PCDHA7: variants seen among roughly 807,000 people sequenced by gnomAD.
The protein encoded by PCDHA7 is protocadherin alpha-7.
In PCDHA7, 37 loss-of-function variants were observed where a neutral mutation model predicts 57.2. The observed-to-expected ratio is 0.65, with a 90% CI of 0.50 to 0.85. PCDHA7 has a LOEUF of 0.85. PCDHA7 is among the 40% of genes least tolerant of loss of function. The probability of loss-of-function intolerance (pLI) is 0.00; values close to 1 mark genes in which losing one functional copy is unlikely to be tolerated. For missense variants in PCDHA7, 1,188 were observed against 1,241.8 expected, an observed-to-expected ratio of 0.96 and a Z score of 0.65; for synonymous variants, 553 against 558.8, an observed-to-expected ratio of 0.99 and a Z score of 0.15.
intron 1 of PCDHA7, chr5:140,883,651 G>T: frequency 6.2e-7 from 1 of 1,613,652 alleles, no homozygotes. Context: ...CCGAGTACAC[G>T]GTGTTCGTGA....
rs2150463409 is a variant in PCDHA7 at position 140,850,016 on chromosome 5, C to G, written c.2355+13278C>G. On this transcript the variant is annotated intron_variant, in intron 1 of 3. Transcript: ENST00000525929. ...TGGGCGAGCGCTCGCTGTCGAGCTA[C>G]GTGTCAGTGCACGCGGAGAGCGGCA... The G allele has an allele frequency of 2.5e-5, 40 of 1,596,912 alleles. 3 individuals are homozygous for G. The South Asian group carries it at 4.1e-4, about 16-fold the overall frequency.
intron 1 of PCDHA7, among the ~76,000 whole-genome samples, chr5:140,891,690 C>T (rs12518591): frequency 0.01 from 1,559 of 152,280 alleles, 92 homozygotes; most frequent in Admixed American, 0.092. Context: ...TCTCTTCTTG[C>T]TGTTGTCTGA....
chr5:140,870,190 C>T (rs1554163883), intron 1 of PCDHA7: 15 of 1,614,174 alleles, frequency 9.3e-6, no homozygotes, highest in Non-Finnish European at 1.1e-5. Flanking sequence ...AGAGGACGCT[C>T]AGCCCAGCAC....
At chr5:140,901,667 A>G (rs1319008143) in intron 1 of PCDHA7, among the ~76,000 whole-genome samples, 1 of 151,994 alleles carries the variant, frequency 6.6e-6, no homozygotes, top group Non-Finnish European at 1.5e-5. Context: ...TGCTCAAGAT[A>G]CCTTTAGGTA....
At chr5:140,837,357 C>A (rs2150274946) in intron 1 of PCDHA7, among the ~76,000 whole-genome samples, 2 of 151,850 alleles carry the variant, frequency 1.3e-5, no homozygotes, top group Non-Finnish European at 2.9e-5. Context: ...GTTTAAATGG[C>A]AGTTTAATAG....
At chr5:140,948,237 T>C (rs532703710) in intron 1 of PCDHA7, among the ~76,000 whole-genome samples, 1 of 151,810 alleles carries the variant, frequency 6.6e-6, no homozygotes, top group South Asian at 2.1e-4. Flanking sequence ...ACTTGTATTT[T>C]AGTAAATATT....
chr5:140,917,449 C>T (rs1290889939), intron 1 of PCDHA7, among the ~76,000 whole-genome samples: 2 of 152,006 alleles, frequency 1.3e-5, no homozygotes, highest in Admixed American at 6.6e-5. Context: ...GCTGCAAGAG[C>T]GTTTGGCATC....
intron 1 of PCDHA7, chr5:140,883,444 T>C: frequency 3.1e-6 from 5 of 1,614,170 alleles, no homozygotes; most frequent in Non-Finnish European, 4.2e-6. Context: ...TGACGCCGCA[T>C]GTCCCCTTCA....
At position 141,010,031 on chromosome 5, in the gene PCDHA7, A is replaced by C; in HGVS notation, c.*94A>C. On this transcript the variant is annotated 3_prime_UTR_variant, in exon 4 of 4. Transcript: ENST00000525929. Reference sequence around the variant, plus strand: ...TTCCCTGCTCCTTTTTCCTATCTACATGAGCCCTCTTAGAGACCTCAGAAA... The same window carrying C: ...TTCCCTGCTCCTTTTTCCTATCTACCTGAGCCCTCTTAGAGACCTCAGAAA... 4 of 1,581,690 alleles carry C rather than the reference A, an allele frequency of 2.5e-6. No individual in the cohort carries two copies. Among genetic ancestry groups the C allele is most frequent in the South Asian group, 1.2e-5 (1 of 84,422 alleles).
chr5:140,851,063 G>T, intron 1 of PCDHA7: 3 of 1,372,672 alleles, frequency 2.2e-6, no homozygotes, highest in Non-Finnish European at 2.9e-6. Flanking sequence ...TTGACTTCTA[G>T]TGAGAATTAT....
chr5:140,841,971 G>T (rs2150326595), intron 1 of PCDHA7: 3 of 1,613,910 alleles, frequency 1.9e-6, no homozygotes, highest in East Asian at 2.2e-5. Flanking sequence ...GCCACAGATG[G>T]GGGCAAACCT....
chr5:140,850,208 G>A lies in PCDHA7; in HGVS notation c.2355+13470G>A, dbSNP rs2150473240. On this transcript the variant is annotated intron_variant, in intron 1 of 3. Transcript: ENST00000525929. Reference sequence around the variant, plus strand: ...CGGCGCTGCTGACACCTCGGATGAGGGGCACTGACGGCGCAGTGAGCGAGA... The same window carrying A: ...CGGCGCTGCTGACACCTCGGATGAGAGGCACTGACGGCGCAGTGAGCGAGA... 6.3e-6 allele frequency: 10 copies of A among 1,593,574 alleles called. 2 individuals carry two copies. The highest frequency in any genetic ancestry group is 6.9e-6 in the Non-Finnish European group (8 of 1,167,640).
chr5:140,863,010 A>ACGCCTGGTTGT (rs782452232), intron 1 of PCDHA7: 1 of 552,120 alleles, frequency 1.8e-6, no homozygotes, highest in African/African-American at 1.9e-5. Context: ...TCCAGCTATG[A>ACGCCTGGTTGT]CGCCTGGTTG....
chr5:140,946,631 T>TATATATATATATATATATAC lies in PCDHA7; in HGVS notation c.2356-32317_2356-32316insTATATATATATATATATACA, dbSNP rs57893927. ...TGTGAAATATATATATATATATATA[T>TATATATATATATATATATAC]ACAATGGAATACTCATCAGCCATTA... On this transcript the variant is annotated intron_variant, in intron 1 of 3. Transcript: ENST00000525929. Among the ~76,000 whole-genome samples, 543 of 131,742 alleles carry TATATATATATATATATATAC rather than the reference T, an allele frequency of 4.1e-3. 35 individuals are homozygous for TATATATATATATATATATAC. Among genetic ancestry groups the TATATATATATATATATATAC allele is most frequent in the African/African-American group, 0.018 (501 of 28,614 alleles). The allele number at this position is 131,742 out of a possible 152,430, so 86.4% of individuals were successfully genotyped here.
chr5:140,974,043 TATG>T (rs1554235772), intron 1 of PCDHA7, among the ~76,000 whole-genome samples: 1 of 152,238 alleles, frequency 6.6e-6, no homozygotes, highest in Non-Finnish European at 1.5e-5. Flanking sequence ...AGCTTATTAA[TATG>T]ATAATATTTG....
chr5:140,876,334 A>T (rs782377581), intron 1 of PCDHA7: 3 of 1,614,030 alleles, frequency 1.9e-6, no homozygotes, highest in Admixed American at 1.7e-5. Context: ...TTTGCCAGTG[A>T]GTGAGAAATG....
chr5:140,850,271 G>A, intron 1 of PCDHA7: 2 of 1,595,372 alleles, frequency 1.3e-6, no homozygotes, highest in Non-Finnish European at 1.7e-6. Context: ...TAGTGGTGGG[G>A]AAGGTGCGCG....
intron 3 of PCDHA7, among the ~76,000 whole-genome samples, chr5:141,002,446 G>T (rs1456078562): frequency 1.3e-5 from 2 of 152,156 alleles, no homozygotes; most frequent in Admixed American, 6.5e-5. Context: ...ATAATAATTG[G>T]CACATTTGTA....
At chr5:140,990,224 G>T (rs1368393390) in intron 3 of PCDHA7, among the ~76,000 whole-genome samples, 1 of 152,160 alleles carries the variant, frequency 6.6e-6, no homozygotes, top group Non-Finnish European at 1.5e-5. Flanking sequence ...GAAGTTTATT[G>T]TAACTAGCGT....
Sources: allele counts gnomAD v4.1 joint callset (sites outside exome capture counted in the v4.1 genomes callset), GRCh38; gene constraint gnomAD v4.1.1; transcripts MANE v1.5; gene names NCBI Gene and HGNC (gene_info 2026-07-23, HGNC 2026-07-21).